DCC: variants seen among roughly 807,000 people sequenced by gnomAD.
DCC encodes the protein netrin receptor DCC.
In DCC, 58 loss-of-function variants were observed where a neutral mutation model predicts 172.5. The observed-to-expected ratio is 0.34, with a 90% CI of 0.27 to 0.42. DCC has a LOEUF of 0.42. DCC is among the 10% of genes least tolerant of loss of function. The pLI is 1.00. For synonymous variants in DCC, 709 were observed against 644.5 expected, an observed-to-expected ratio of 1.10 and a Z score of -1.52; for missense variants, 1,740 against 1,791.0, an observed-to-expected ratio of 0.97 and a Z score of 0.51.
chr18:52,449,051 A>G (rs1988219636), intron 1 of DCC, among the ~76,000 whole-genome samples: 1 of 152,242 alleles, frequency 6.6e-6, no homozygotes, highest in South Asian at 2.1e-4. Flanking sequence ...GGGAAGCCTC[A>G]CAATCATGCC....
At chr18:53,024,519 C>A (rs1327377477) in intron 5 of DCC, among the ~76,000 whole-genome samples, 1 of 152,020 alleles carries the variant, frequency 6.6e-6, no homozygotes, top group Non-Finnish European at 1.5e-5. Context: ...GCCAAAGAGC[C>A]CATCAAAGTA....
intron 8 of DCC, among the ~76,000 whole-genome samples, chr18:53,170,490 A>G (rs915522691): frequency 1.3e-5 from 2 of 152,196 alleles, no homozygotes; most frequent in African/African-American, 4.8e-5. Flanking sequence ...GCTTTTTTCT[A>G]TGTGATTATA....
chr18:53,285,209 A>G (rs2056921962), intron 12 of DCC, among the ~76,000 whole-genome samples: 1 of 152,180 alleles, frequency 6.6e-6, no homozygotes, highest in African/African-American at 2.4e-5. Context: ...CAATAGGGAA[A>G]ATGTCTCCAA....
intron 5 of DCC, among the ~76,000 whole-genome samples, chr18:52,961,577 G>T (rs1176055504): frequency 6.6e-6 from 1 of 152,136 alleles, no homozygotes; most frequent in Non-Finnish European, 1.5e-5. Flanking sequence ...GCCACCATCT[G>T]CATGATACCA....
At chr18:52,651,971 G>C (rs900922466) in intron 1 of DCC, among the ~76,000 whole-genome samples, 1 of 152,190 alleles carries the variant, frequency 6.6e-6, no homozygotes, top group African/African-American at 2.4e-5. Flanking sequence ...AATTGGAAGA[G>C]AAAGCCACAG....
chr18:53,428,282 TTATATAGAATATAATAA>T (rs1224736125), intron 21 of DCC, among the ~76,000 whole-genome samples: 1 of 94,394 alleles, frequency 1.1e-5, no homozygotes, highest in Non-Finnish European at 1.8e-5. Context: ...ATATAATAAA[TTATATAGAATATAATAA>T]TATATAGAAT....
intron 12 of DCC, among the ~76,000 whole-genome samples, chr18:53,269,893 C>G (rs1329131757): frequency 6.6e-6 from 1 of 152,100 alleles, no homozygotes; most frequent in East Asian, 1.9e-4. Context: ...AGAGTTTGGG[C>G]TGGAGAATGG....
chr18:53,224,676 A>C (rs769395597), intron 12 of DCC, among the ~76,000 whole-genome samples: 2 of 152,110 alleles, frequency 1.3e-5, no homozygotes, highest in Non-Finnish European at 1.5e-5. Context: ...AGAGCCAACA[A>C]AATTGGTTAT....
intron 1 of DCC, among the ~76,000 whole-genome samples, chr18:52,343,335 G>A (rs1983740258): frequency 6.6e-6 from 1 of 152,212 alleles, no homozygotes; most frequent in South Asian, 2.1e-4. Flanking sequence ...TACTGGCAGA[G>A]AAATTCCCAT....
At chr18:53,373,612 A>G (rs186317534) in intron 15 of DCC, among the ~76,000 whole-genome samples, 59 of 152,298 alleles carry the variant, frequency 3.9e-4, no homozygotes, top group Non-Finnish European at 6.8e-4. Context: ...AAATGAGTTC[A>G]GTTTTACTGT....
chr18:52,919,243 A>C (rs1055320568), intron 3 of DCC, among the ~76,000 whole-genome samples: 2 of 152,230 alleles, frequency 1.3e-5, no homozygotes, highest in Admixed American at 6.5e-5. Context: ...ATAATCTACC[A>C]GTCAAAGCAA....
intron 1 of DCC, among the ~76,000 whole-genome samples, chr18:52,533,831 G>A (rs1281198917): frequency 6.6e-6 from 1 of 152,094 alleles, no homozygotes; most frequent in East Asian, 1.9e-4. Context: ...TGTTTTCCAG[G>A]GTGGTTATAC....
chr18:53,397,505 A>T (rs1909028976), intron 18 of DCC, 59 bp downstream of exon 18: 2 of 1,578,872 alleles, frequency 1.3e-6, no homozygotes, highest in Non-Finnish European at 1.7e-6. Context: ...GGTTCTGTGG[A>T]AATTAGAACA....
intron 1 of DCC, among the ~76,000 whole-genome samples, chr18:52,572,319 T>A (rs1400786226): frequency 6.6e-6 from 1 of 151,856 alleles, no homozygotes; most frequent in East Asian, 1.9e-4. Flanking sequence ...AAAGGAAAAA[T>A]CTCTAGTCCT....
chr18:53,162,298 C>CA (rs59626358), intron 8 of DCC, among the ~76,000 whole-genome samples: 7,040 of 114,692 alleles, frequency 0.061, 403 homozygotes, highest in African/African-American at 0.16. Flanking sequence ...GACTCTGCCT[C>CA]AAAAAAAAAA....
At chr18:52,544,221 T>A (rs2032547701) in intron 1 of DCC, among the ~76,000 whole-genome samples, 1 of 152,180 alleles carries the variant, frequency 6.6e-6, no homozygotes, top group Non-Finnish European at 1.5e-5. Context: ...TTTTGCCAAG[T>A]CATTATTCCG....
At chr18:52,955,323 T>A (rs942615977) in intron 5 of DCC, among the ~76,000 whole-genome samples, 1 of 152,134 alleles carries the variant, frequency 6.6e-6, no homozygotes, top group Non-Finnish European at 1.5e-5. Context: ...TGTAGCCTTT[T>A]AAAATTGGCT....
chr18:53,320,583 A>G (rs1389278155), intron 13 of DCC, among the ~76,000 whole-genome samples: 1 of 152,186 alleles, frequency 6.6e-6, no homozygotes. Flanking sequence ...GATCAATACC[A>G]TGTTAACAAA....
intron 7 of DCC, among the ~76,000 whole-genome samples, chr18:53,145,299 G>C (rs1440605186): frequency 6.6e-6 from 1 of 152,024 alleles, no homozygotes; most frequent in Non-Finnish European, 1.5e-5. Context: ...ATTTTTGGAA[G>C]AGACGGGGTT....
Sources: gnomAD v4.1 joint callset for allele counts (sites outside exome capture counted in the v4.1 genomes callset) on GRCh38, gnomAD v4.1.1 for gene constraint, MANE v1.5 for transcripts, NCBI Gene and HGNC (gene_info 2026-07-23, HGNC 2026-07-21) for gene names.